The following TMEM232 variants were observed in gnomAD, a reference collection of about 807,000 sequenced individuals.
TMEM232 encodes transmembrane protein 232.
Under a neutral mutation model 78.8 loss-of-function variants are expected in TMEM232, and 80 were observed. The observed-to-expected ratio is 1.01, with a 90% CI of 0.85 to 1.22. The LOEUF is 1.22. Among genes scored for constraint, TMEM232 ranks in the 50% most tolerant of loss-of-function variants. The pLI is 0.00. For synonymous variants in TMEM232, 297 were observed against 254.3 expected (o/e 1.17, Z -1.60); for missense variants, 881 against 742.2 (o/e 1.19, Z -2.17).
At chr5:110,632,670 T>G (rs549152445) in intron 5 of TMEM232, among the ~76,000 whole-genome samples, 1 of 151,888 alleles carries the variant, frequency 6.6e-6, no homozygotes, top group Admixed American at 6.6e-5. Context: ...TCTCAGAACC[T>G]GAAGACATGT....
intron 1 of TMEM232, among the ~76,000 whole-genome samples, chr5:110,736,621 T>TC (rs1799198532): frequency 6.6e-6 from 1 of 152,092 alleles, no homozygotes; most frequent in Non-Finnish European, 1.5e-5. Flanking sequence ...TCCATTACAC[T>TC]ATCACTCGAG....
chr5:110,647,438 C>T (rs150929900), intron 2 of TMEM232, among the ~76,000 whole-genome samples: 1,557 of 152,020 alleles, frequency 0.01, 34 homozygotes, highest in African/African-American at 0.035. Flanking sequence ...GTTATACCTA[C>T]GCAATGTCCA....
At chr5:110,629,559 A>G (rs1784855696) in intron 5 of TMEM232, among the ~76,000 whole-genome samples, 1 of 151,854 alleles carries the variant, frequency 6.6e-6, no homozygotes, top group Non-Finnish European at 1.5e-5. Flanking sequence ...CCTACATTTA[A>G]TTTCTGCTTG....
chr5:110,509,010 GTA>G (rs1231688532), intron 12 of TMEM232, among the ~76,000 whole-genome samples: 7 of 128,754 alleles, frequency 5.4e-5, no homozygotes, highest in African/African-American at 2.3e-4. Context: ...ATATATATAT[GTA>G]TATATATACA....
intron 10 of TMEM232, among the ~76,000 whole-genome samples, chr5:110,598,682 T>TA (rs1332922379): frequency 6.6e-6 from 1 of 151,658 alleles, no homozygotes; most frequent in Non-Finnish European, 1.5e-5. Context: ...TATGCAGCCA[T>TA]AAAAAATGAG....
chr5:110,551,072 C>G (rs1238318705), intron 11 of TMEM232, among the ~76,000 whole-genome samples: 4 of 151,970 alleles, frequency 2.6e-5, no homozygotes. Flanking sequence ...CCCACAATGC[C>G]TAAAACATTT....
At chr5:110,575,353 A>G (rs1581264535) in intron 10 of TMEM232, among the ~76,000 whole-genome samples, 1 of 152,018 alleles carries the variant, frequency 6.6e-6, no homozygotes, top group Non-Finnish European at 1.5e-5. Flanking sequence ...AAGTTAGCTG[A>G]TTCTTTTATT....
intron 6 of TMEM232, among the ~76,000 whole-genome samples, chr5:110,625,941 A>C (rs1784374601): frequency 6.9e-6 from 1 of 145,518 alleles, no homozygotes; most frequent in South Asian, 2.1e-4. Flanking sequence ...CATTATATTT[A>C]ACAGAATCAT....
At chr5:110,713,703 C>T (rs956834688) in intron 1 of TMEM232, among the ~76,000 whole-genome samples, 4 of 152,032 alleles carry the variant, frequency 2.6e-5, no homozygotes, top group Admixed American at 6.5e-5. Context: ...CAAAAGACCA[C>T]GAGATCTATG....
At chr5:110,602,662 TG>T (rs1397909255) in intron 10 of TMEM232, among the ~76,000 whole-genome samples, 1 of 152,164 alleles carries the variant, frequency 6.6e-6, no homozygotes, top group Non-Finnish European at 1.5e-5. Context: ...GGAGAGGATC[TG>T]GAGAAATAGG....
At chr5:110,516,339 T>C (rs1236382488) in intron 12 of TMEM232, among the ~76,000 whole-genome samples, 1 of 152,216 alleles carries the variant, frequency 6.6e-6, no homozygotes, top group Non-Finnish European at 1.5e-5. Flanking sequence ...ATTAGTTGTT[T>C]ATAAGATTTT....
chr5:110,629,512 A>G (rs1422286955), intron 5 of TMEM232, among the ~76,000 whole-genome samples: 3 of 152,006 alleles, frequency 2.0e-5, no homozygotes, highest in African/African-American at 7.2e-5. Flanking sequence ...ATTTGTGTAC[A>G]TATTCTCTTT....
At position 110,638,190 on chromosome 5, in the gene TMEM232, A is replaced by C. The variant is rs1184638242; in HGVS notation, c.501+8T>G. On this transcript the variant is annotated splice_region_variant and intron_variant, in intron 5 of 13. Coordinates refer to ENST00000455884, the MANE Select transcript of TMEM232 (RefSeq NM_001039763.4). ...TTTAAAAACATTAAGAAGTTTTTCAAAACATACCTTTGCTAGCTTTATTTC... is the reference window on the plus strand; with the variant it reads ...TTTAAAAACATTAAGAAGTTTTTCACAACATACCTTTGCTAGCTTTATTTC... The C allele has an allele frequency of 3.3e-6, 5 of 1,535,974 alleles. No individual in the cohort carries two copies. The East Asian group carries it at 1.2e-4, about 38-fold the overall frequency.
rs1046365532 is a variant in TMEM232 at position 110,472,861 on chromosome 5, G to C, written c.1704-47945C>G. On this transcript the variant is annotated intron_variant, in intron 12 of 13. Coordinates refer to ENST00000455884, the MANE Select transcript of TMEM232 (RefSeq NM_001039763.4). ...TTCAATAAATGATGGTTGGAAAATT[G>C]AATGTCTACATTCAGAAGAATAAAA... Among the ~76,000 whole-genome samples the C allele has an allele frequency of 2.6e-5, 4 of 151,964 alleles. No homozygotes were observed. In the East Asian group the frequency reaches 7.7e-4, roughly 29 times the overall value.
intron 11 of TMEM232, among the ~76,000 whole-genome samples, chr5:110,532,711 G>T (rs1431610132): frequency 6.6e-6 from 1 of 151,684 alleles, no homozygotes; most frequent in Non-Finnish European, 1.5e-5. Context: ...TCCTCCTCTT[G>T]TATCCCCCCA....
At chr5:110,578,070 T>A (rs1386360805) in intron 10 of TMEM232, among the ~76,000 whole-genome samples, 2 of 151,950 alleles carry the variant, frequency 1.3e-5, no homozygotes, top group East Asian at 3.9e-4. Flanking sequence ...AAAAAAATGA[T>A]ATTACAAAAA....
At chr5:110,567,709 T>G (rs191916647) in intron 11 of TMEM232, among the ~76,000 whole-genome samples, 31 of 152,024 alleles carry the variant, frequency 2.0e-4, no homozygotes, top group Admixed American at 1.6e-3. Flanking sequence ...TTATTTTCTA[T>G]GTGTGTTGAA....
intron 2 of TMEM232, among the ~76,000 whole-genome samples, chr5:110,410,358 A>C (rs1755947105): frequency 6.6e-6 from 1 of 152,190 alleles, no homozygotes; most frequent in South Asian, 2.1e-4. Flanking sequence ...ACTTTCCACA[A>C]ATGTTAGATT....
At chr5:110,657,217 C>T (rs559199124) in intron 2 of TMEM232, among the ~76,000 whole-genome samples, 4 of 152,280 alleles carry the variant, frequency 2.6e-5, no homozygotes, top group South Asian at 4.1e-4. Context: ...AAAAATAGAA[C>T]TGCCATATAA....
Sources: gnomAD v4.1 joint callset for allele counts (sites outside exome capture counted in the v4.1 genomes callset) on GRCh38, gnomAD v4.1.1 for gene constraint, MANE v1.5 for transcripts, NCBI Gene and HGNC (gene_info 2026-07-23, HGNC 2026-07-21) for gene names.